The following RALYL variants were observed in gnomAD, a reference collection of about 807,000 sequenced individuals.
The protein encoded by RALYL is RNA-binding Raly-like protein.
Under a neutral mutation model 35.1 loss-of-function variants are expected in RALYL, and 29 were observed. The observed-to-expected ratio is 0.83, with a 90% CI of 0.61 to 1.13. The LOEUF (loss-of-function observed/expected upper bound fraction) is 1.13, where lower values mean the gene tolerates loss of function less well. RALYL is among the 50% of genes most tolerant of loss of function. The pLI, the probability that RALYL is intolerant of heterozygous loss-of-function variation, is 0.00. For missense variants in RALYL, 359 were observed against 360.4 expected, an observed-to-expected ratio of 1.00 and a Z score of 0.03; for synonymous variants, 120 against 127.6, an observed-to-expected ratio of 0.94 and a Z score of 0.40.
intron 1 of RALYL, among the ~76,000 whole-genome samples, chr8:84,526,316 T>G (rs965468234): frequency 1.3e-5 from 2 of 152,140 alleles, no homozygotes; most frequent in Non-Finnish European, 2.9e-5. Flanking sequence ...TTGTTTCTGG[T>G]TTAGTTGGAT....
intron 1 of RALYL, among the ~76,000 whole-genome samples, chr8:84,325,171 G>A (rs1463184925): frequency 6.6e-6 from 1 of 152,144 alleles, no homozygotes; most frequent in Non-Finnish European, 1.5e-5. Context: ...GTTATGGGGA[G>A]AGGGCACCTC....
chr8:84,420,304 G>A (rs2045351810), intron 1 of RALYL, among the ~76,000 whole-genome samples: 2 of 152,248 alleles, frequency 1.3e-5, no homozygotes, highest in Non-Finnish European at 2.9e-5. Context: ...CACTGATGAT[G>A]AGCATTTTTT....
intron 2 of RALYL, among the ~76,000 whole-genome samples, chr8:84,769,374 ATCT>A (rs1227265919): frequency 6.6e-6 from 1 of 152,150 alleles, no homozygotes; most frequent in African/African-American, 2.4e-5. Flanking sequence ...GTTTCTAATG[ATCT>A]TCTCACACCC....
At chr8:84,737,964 T>A (rs1349422832) in intron 2 of RALYL, among the ~76,000 whole-genome samples, 1 of 151,982 alleles carries the variant, frequency 6.6e-6, no homozygotes, top group Non-Finnish European at 1.5e-5. Flanking sequence ...GTCCATGGTG[T>A]TTTTCTATAG....
chr8:84,526,833 T>G (rs1052638970), intron 1 of RALYL, among the ~76,000 whole-genome samples: 1 of 152,210 alleles, frequency 6.6e-6, no homozygotes, highest in Non-Finnish European at 1.5e-5. Flanking sequence ...TCCTATGTTT[T>G]ACTTTCCTTG....
chr8:84,389,090 T>G (rs1268968370), intron 1 of RALYL, among the ~76,000 whole-genome samples: 1 of 152,178 alleles, frequency 6.6e-6, no homozygotes, highest in Non-Finnish European at 1.5e-5. Flanking sequence ...CACCATTTAT[T>G]AAATAGGGAA....
intron 2 of RALYL, among the ~76,000 whole-genome samples, chr8:84,556,070 C>T (rs2061095711): frequency 1.3e-5 from 2 of 152,160 alleles, no homozygotes; most frequent in South Asian, 4.1e-4. Context: ...ATATCATGTA[C>T]ATTTGCAGGA....
intron 4 of RALYL, among the ~76,000 whole-genome samples, chr8:84,819,979 G>GC (rs1828166474): frequency 2.0e-5 from 3 of 151,780 alleles, no homozygotes; most frequent in Non-Finnish European, 1.5e-5. Context: ...AGGGAACCCT[G>GC]CCCCAAAAAA....
At chr8:84,283,112 T>C (rs1384967127) in intron 1 of RALYL, among the ~76,000 whole-genome samples, 7 of 152,102 alleles carry the variant, frequency 4.6e-5, no homozygotes, top group Admixed American at 1.3e-4. Context: ...ATTTGTACCA[T>C]AAAGAATAAC....
intron 4 of RALYL, among the ~76,000 whole-genome samples, chr8:84,833,544 A>G (rs1314479052): frequency 6.6e-6 from 1 of 151,710 alleles, no homozygotes; most frequent in Non-Finnish European, 1.5e-5. Flanking sequence ...AGGCTGAGGC[A>G]GGAGAATTGC....
At chr8:84,642,373 GAA>G (rs34032693) in intron 2 of RALYL, among the ~76,000 whole-genome samples, 2 of 151,430 alleles carry the variant, frequency 1.3e-5, no homozygotes, top group Admixed American at 6.6e-5. Context: ...TTAAACTTGA[GAA>G]AAAAAACTCT....
intron 1 of RALYL, among the ~76,000 whole-genome samples, chr8:84,225,007 C>A (rs546834683): frequency 2.0e-5 from 3 of 152,288 alleles, no homozygotes; most frequent in Non-Finnish European, 4.4e-5. Flanking sequence ...TCATTTGGAA[C>A]CAAGCCTTGG....
At chr8:84,315,786 C>A (rs1310077412) in intron 1 of RALYL, among the ~76,000 whole-genome samples, 1 of 147,750 alleles carries the variant, frequency 6.8e-6, no homozygotes, top group African/African-American at 2.5e-5. Context: ...TTAATTTGAG[C>A]AAGAAGTTGA....
chr8:84,243,014 A>T (rs116453446), intron 1 of RALYL, among the ~76,000 whole-genome samples: 1 of 152,044 alleles, frequency 6.6e-6, no homozygotes, highest in South Asian at 2.1e-4. Flanking sequence ...GTTAACTTTT[A>T]TATAAGGTGT....
chr8:84,502,828 C>A (rs1446855988), intron 1 of RALYL, among the ~76,000 whole-genome samples: 1 of 151,132 alleles, frequency 6.6e-6, no homozygotes, highest in Non-Finnish European at 1.5e-5. Flanking sequence ...ATAAATTTTG[C>A]TGTATAGACA....
At chr8:84,506,587 G>C (rs1167097695) in intron 1 of RALYL, among the ~76,000 whole-genome samples, 1 of 151,912 alleles carries the variant, frequency 6.6e-6, no homozygotes, top group Non-Finnish European at 1.5e-5. Flanking sequence ...AGGAACTTAA[G>C]TGTTTAGTTT....
chr8:84,277,691 A>G (rs927080071), intron 1 of RALYL, among the ~76,000 whole-genome samples: 22 of 152,234 alleles, frequency 1.4e-4, no homozygotes, highest in African/African-American at 5.3e-4. Context: ...AATGGGAGAA[A>G]TTGGCCACAA....
At chr8:84,644,267 A>G (rs1827007015) in intron 2 of RALYL, among the ~76,000 whole-genome samples, 1 of 152,098 alleles carries the variant, frequency 6.6e-6, no homozygotes, top group African/African-American at 2.4e-5. Flanking sequence ...TCTTTAGCCT[A>G]AAACAATGAC....
At chr8:84,486,171 A>G (rs929833885) in intron 1 of RALYL, among the ~76,000 whole-genome samples, 2 of 151,352 alleles carry the variant, frequency 1.3e-5, no homozygotes, top group African/African-American at 4.8e-5. Context: ...AACTTCTCTC[A>G]CCTATACAAC....
Sources: allele counts gnomAD v4.1 joint callset (sites outside exome capture counted in the v4.1 genomes callset), GRCh38; gene constraint gnomAD v4.1.1; transcripts MANE v1.5; gene names NCBI Gene and HGNC (gene_info 2026-07-23, HGNC 2026-07-21).